NRG3: variants seen among roughly 807,000 people sequenced by gnomAD.
NRG3 encodes the protein neuregulin 3.
NRG3 carries 31 observed loss-of-function variants against 66.9 expected under a neutral mutation model. That is an observed-to-expected ratio of 0.46 (90% CI 0.35 to 0.63). The LOEUF (loss-of-function observed/expected upper bound fraction) is 0.63. Among genes scored for constraint, NRG3 ranks in the 20% least tolerant of loss-of-function variants. The pLI, the probability that NRG3 is intolerant of heterozygous loss-of-function variation, is 0.00. For synonymous variants in NRG3, 393 were observed against 359.4 expected, an observed-to-expected ratio of 1.09 and a Z score of -1.06; for missense variants, 910 against 878.9, an observed-to-expected ratio of 1.04 and a Z score of -0.45.
At chr10:82,511,182 G>A (rs61864244) in intron 2 of NRG3, among the ~76,000 whole-genome samples, 3 of 152,074 alleles carry the variant, frequency 2.0e-5, no homozygotes, top group African/African-American at 7.2e-5. Context: ...CAGATCATTT[G>A]GAAGCATATA....
rs374726033 is a variant in NRG3 at position 82,479,474 on chromosome 10, G to A, written c.953+120606G>A. Among the ~76,000 whole-genome samples, 7 of 147,654 alleles carry A rather than the reference G, an allele frequency of 4.7e-5. No homozygotes were observed. In the East Asian group the frequency reaches 1.4e-3, roughly 30 times the overall value. ...AGCACCTTGGGAGACAGAGGTGGGCGGATCACCTGAGGTCAGGAGTTGGAG... is the reference window on the plus strand; with the variant it reads ...AGCACCTTGGGAGACAGAGGTGGGCAGATCACCTGAGGTCAGGAGTTGGAG... On this transcript the variant is annotated intron_variant, in intron 2 of 8. Transcript: ENST00000372141.
At chr10:82,164,169 G>A (rs2071843889) in intron 1 of NRG3, among the ~76,000 whole-genome samples, 1 of 151,960 alleles carries the variant, frequency 6.6e-6, no homozygotes, top group South Asian at 2.1e-4. Context: ...CACCTGTGTA[G>A]GCCTCCCAAT....
intron 1 of NRG3, among the ~76,000 whole-genome samples, chr10:82,344,698 T>C (rs2082890112): frequency 1.6e-5 from 2 of 124,396 alleles, no homozygotes; most frequent in Admixed American, 1.5e-4. Context: ...AAAGTGTTCC[T>C]ATTTCTCCAC....
intron 2 of NRG3, among the ~76,000 whole-genome samples, chr10:82,537,969 G>A (rs1455433400): frequency 6.6e-6 from 1 of 152,156 alleles, no homozygotes; most frequent in Non-Finnish European, 1.5e-5. Context: ...GATGTTGGCA[G>A]TGTTGTTAAT....
chr10:82,119,728 T>C (rs900008891), intron 1 of NRG3, among the ~76,000 whole-genome samples: 8 of 152,176 alleles, frequency 5.3e-5, no homozygotes, highest in African/African-American at 1.9e-4. Flanking sequence ...GAGGCTTCTT[T>C]ATCTTTTGAC....
chr10:82,953,181 A>G (rs1849700913), intron 5 of NRG3, among the ~76,000 whole-genome samples: 1 of 151,954 alleles, frequency 6.6e-6, no homozygotes, highest in Non-Finnish European at 1.5e-5. Context: ...ATTTCTGAAC[A>G]CTTACTCTTT....
chr10:82,475,891 A>C (rs1354359917), intron 2 of NRG3, among the ~76,000 whole-genome samples: 1 of 152,202 alleles, frequency 6.6e-6, no homozygotes, highest in African/African-American at 2.4e-5. Context: ...TTATCAATAG[A>C]GTGAAAAGGC....
At chr10:82,213,186 G>A (rs1182816452) in intron 1 of NRG3, among the ~76,000 whole-genome samples, 1 of 152,184 alleles carries the variant, frequency 6.6e-6, no homozygotes, top group Non-Finnish European at 1.5e-5. Context: ...CTCATGCAGG[G>A]CACAAGCACC....
intron 3 of NRG3, among the ~76,000 whole-genome samples, chr10:82,789,932 C>G (rs2060518037): frequency 6.6e-6 from 1 of 151,842 alleles, no homozygotes; most frequent in Admixed American, 6.6e-5. Flanking sequence ...AACATTTTTA[C>G]TTAAAACAAT....
chr10:82,095,813 A>C (rs2066303828), intron 1 of NRG3, among the ~76,000 whole-genome samples: 1 of 152,224 alleles, frequency 6.6e-6, no homozygotes, highest in African/African-American at 2.4e-5. Context: ...CAGCAAATTA[A>C]ACAAATTCTC....
chr10:82,785,809 T>C (rs941739985), intron 3 of NRG3, among the ~76,000 whole-genome samples: 39 of 152,278 alleles, frequency 2.6e-4, no homozygotes, highest in African/African-American at 8.7e-4. Context: ...TCTCAGAGCC[T>C]AGCCAAGTAA....
intron 2 of NRG3, among the ~76,000 whole-genome samples, chr10:82,736,576 A>T (rs1031021622): frequency 1.3e-5 from 2 of 152,218 alleles, no homozygotes; most frequent in East Asian, 1.9e-4. Flanking sequence ...TTATGGAGGC[A>T]GGAGGAAAGT....
At chr10:82,840,543 A>G (rs907839467) in intron 3 of NRG3, among the ~76,000 whole-genome samples, 2 of 152,196 alleles carry the variant, frequency 1.3e-5, no homozygotes, top group South Asian at 2.1e-4. Context: ...TAATTTGCTT[A>G]TTTATCTTAC....
intron 3 of NRG3, among the ~76,000 whole-genome samples, chr10:82,816,291 G>C (rs565868279): frequency 6.6e-6 from 1 of 152,366 alleles, no homozygotes; most frequent in East Asian, 1.9e-4. Context: ...CAGACAACTG[G>C]AGGGTGATCA....
At chr10:82,248,570 A>G (rs1358255421) in intron 1 of NRG3, among the ~76,000 whole-genome samples, 1 of 152,140 alleles carries the variant, frequency 6.6e-6, no homozygotes, top group Non-Finnish European at 1.5e-5. Flanking sequence ...GGGGATAATA[A>G]TAGTATCTAT....
intron 2 of NRG3, among the ~76,000 whole-genome samples, chr10:82,545,423 G>A (rs1325322104): frequency 7.0e-6 from 1 of 143,692 alleles, no homozygotes; most frequent in Non-Finnish European, 1.5e-5. Context: ...CTGTCGCCCA[G>A]GCTGGAGTGC....
At chr10:81,894,622 C>T (rs369273438) in intron 1 of NRG3, among the ~76,000 whole-genome samples, 4 of 152,274 alleles carry the variant, frequency 2.6e-5, no homozygotes, top group African/African-American at 7.2e-5. Context: ...AACACACGCA[C>T]TAATCAAACA....
chr10:82,365,276 A>G (rs1191336696), intron 2 of NRG3, among the ~76,000 whole-genome samples: 3 of 152,196 alleles, frequency 2.0e-5, no homozygotes, highest in African/African-American at 7.2e-5. Context: ...GAGGGAATGA[A>G]GGCTAAAATA....
At chr10:82,402,056 A>G (rs1408800403) in intron 2 of NRG3, among the ~76,000 whole-genome samples, 1 of 152,060 alleles carries the variant, frequency 6.6e-6, no homozygotes, top group Admixed American at 6.6e-5. Context: ...CTCATTATTA[A>G]ATTTGATTTT....
Sources: gnomAD v4.1 joint callset for allele counts (sites outside exome capture counted in the v4.1 genomes callset) on GRCh38, gnomAD v4.1.1 for gene constraint, MANE v1.5 for transcripts, NCBI Gene and HGNC (gene_info 2026-07-23, HGNC 2026-07-21) for gene names.